The following PIEZO2 variants were observed in gnomAD, a reference collection of about 807,000 sequenced individuals.
PIEZO2 encodes piezo-type mechanosensitive ion channel component 2.
A neutral mutation model predicts 337.3 loss-of-function variants in PIEZO2; 172 were observed. The observed-to-expected ratio is 0.51, with a 90% CI of 0.45 to 0.58. PIEZO2 has a LOEUF of 0.58. Among genes scored for constraint, PIEZO2 ranks in the 20% least tolerant of loss-of-function variants. The probability of loss-of-function intolerance (pLI) is 0.00; values close to 1 mark genes in which losing one functional copy is unlikely to be tolerated. For missense variants in PIEZO2, 3,028 were observed against 3,391.3 expected, an observed-to-expected ratio of 0.89 and a Z score of 2.66; for synonymous variants, 1,251 against 1,228.5, an observed-to-expected ratio of 1.02 and a Z score of -0.38.
At chr18:10,698,846 G>A in intron 44 of PIEZO2, 79 bp downstream of exon 44, 3 of 1,495,100 alleles carry the variant, frequency 2.0e-6, no homozygotes, top group Middle Eastern at 2.0e-4. Context: ...ACACTCCCTT[G>A]CCCCAGACCC....
At chr18:10,749,434 G>A (rs1185794427) in intron 29 of PIEZO2, among the ~76,000 whole-genome samples, 1 of 152,124 alleles carries the variant, frequency 6.6e-6, no homozygotes, top group Non-Finnish European at 1.5e-5. Flanking sequence ...CTGTAGTTCA[G>A]CCTGGGTAAC....
intron 2 of PIEZO2, among the ~76,000 whole-genome samples, chr18:10,996,408 T>C (rs1223156004): frequency 6.6e-6 from 1 of 152,214 alleles, no homozygotes; most frequent in African/African-American, 2.4e-5. Flanking sequence ...TTCAATGGCA[T>C]TTAGTCCATT....
Position 10,759,697 on chromosome 18 carries a change from AGGCTCACCTC to A in PIEZO2, c.3653_3655+7del, listed in dbSNP as rs1253770478. 1 of 1,537,142 alleles carries A rather than the reference AGGCTCACCTC, an allele frequency of 6.5e-7. No individual in the cohort carries two copies. The highest frequency in any genetic ancestry group is 1.4e-5 in the African/African-American group (1 of 73,054). Reference sequence around the variant, plus strand: ...AAAGTAGACGGCTCAAGGGAAGGGCAGGCTCACCTCGGCAAGGAGCAGGTGGGATGCCAAT... The same window carrying A: ...AAAGTAGACGGCTCAAGGGAAGGGCAGGCAAGGAGCAGGTGGGATGCCAAT... On this transcript the variant is annotated splice_donor_variant and splice_donor_5th_base_variant and coding_sequence_variant and intron_variant, in exon 25 of 56. Coordinates refer to ENST00000674853, the MANE Select transcript of PIEZO2 (RefSeq NM_001378183.1). LOFTEE classifies it high-confidence loss of function. This position sits in a 1 kb window ranked among gnomAD's most constrained non-coding sequence, Gnocchi z 5.5.
At chr18:10,880,876 T>A (rs1229496401) in intron 4 of PIEZO2, among the ~76,000 whole-genome samples, 1 of 93,596 alleles carries the variant, frequency 1.1e-5, no homozygotes, top group Middle Eastern at 5.7e-3. Flanking sequence ...TATATATATA[T>A]ATATATATAT....
intron 7 of PIEZO2, among the ~76,000 whole-genome samples, chr18:10,812,638 GT>G (rs1185422746): frequency 1.3e-5 from 2 of 152,102 alleles, no homozygotes; most frequent in Admixed American, 6.5e-5. Context: ...CCAGCGCACG[GT>G]TCATTCTTTC....
rs1388810156 is a variant in PIEZO2 at position 10,682,085 on chromosome 18, G to C, written c.7686+19C>G. ...GCGTGGGGCAAGGCTCTGGTAGGTGGGGTGTGCACAGAGATCACCTGATAC... is the reference window on the plus strand; with the variant it reads ...GCGTGGGGCAAGGCTCTGGTAGGTGCGGTGTGCACAGAGATCACCTGATAC... On this transcript the variant is annotated intron_variant, in intron 50 of 55. Transcript: ENST00000674853. The surrounding 1 kb of genome is among the most constrained non-coding windows in gnomAD (Gnocchi z 5.6). 1 of 1,526,174 alleles carries C rather than the reference G, an allele frequency of 6.6e-7. No individual in the cohort carries two copies. The highest frequency in any genetic ancestry group is 8.8e-7 in the Non-Finnish European group (1 of 1,140,108). The allele number at this position is 1,526,174 out of a possible 1,614,324, so 94.5% of individuals were successfully genotyped here.
chr18:10,700,226 C>T (rs2035275127), intron 43 of PIEZO2, among the ~76,000 whole-genome samples: 1 of 152,066 alleles, frequency 6.6e-6, no homozygotes, highest in East Asian at 1.9e-4. Context: ...TTTGCCAATT[C>T]TTCTAATTAT....
Position 10,987,820 on chromosome 18 carries a change from A to T in PIEZO2, c.161-8160T>A, listed in dbSNP as rs559953514. Among the ~76,000 whole-genome samples, 131 of 152,258 alleles carry T rather than the reference A, an allele frequency of 8.6e-4. 3 individuals are homozygous for T. The South Asian group carries it at 0.025, about 29-fold the overall frequency. On this transcript the variant is annotated intron_variant, in intron 2 of 55. Coordinates refer to ENST00000674853, the MANE Select transcript of PIEZO2 (RefSeq NM_001378183.1). ...CTGATAAGAGGTTAATATACAAAATATATAAAGAACAACTGAATAATGAAA... is the reference window on the plus strand; with the variant it reads ...CTGATAAGAGGTTAATATACAAAATTTATAAAGAACAACTGAATAATGAAA...
At position 10,752,761 on chromosome 18, in the gene PIEZO2, C is replaced by T. The variant is rs1030047166; in HGVS notation, c.4042G>A (p.Ala1348Thr). ...ISIFCMGYLVACFYFLLFGGD... is the reference protein window; with the variant it reads ...ISIFCMGYLVTCFYFLLFGGD... Reference sequence around the variant, plus strand: ...CCAAAGAGCAGGAAGTAGAAACAGGCCACCAGGTACCCCATGCAAAAGATG... The same window carrying T: ...CCAAAGAGCAGGAAGTAGAAACAGGTCACCAGGTACCCCATGCAAAAGATG... Residue 1348 changes from alanine (A) to threonine (T), a missense_variant, in exon 28 of 56, where the codon GCC becomes ACC. Physicochemically the swap from Ala to Thr is moderately conservative, Grantham distance 58. Around this residue, in one of 5 missense-constraint regions of PIEZO2, gnomAD observed 1,925 missense variants for 2,051.9 expected, o/e 0.94. Coordinates refer to ENST00000674853, the MANE Select transcript of PIEZO2 (RefSeq NM_001378183.1). 3.9e-6 allele frequency: 6 copies of T among 1,537,044 alleles called. No individual in the cohort carries two copies. The African/African-American group carries it at 4.1e-5, about 11-fold the overall frequency.
At position 11,014,207 on chromosome 18, in the gene PIEZO2, G is replaced by T. The variant is rs2660268; in HGVS notation, c.161-34547C>A. 4.0e-5 allele frequency among the ~76,000 whole-genome samples: 6 copies of T among 149,742 alleles called. No homozygotes were observed. The South Asian group carries it at 1.3e-3, about 32-fold the overall frequency. ...GGCACGTCACCCTGGGTGGGACAGC[G>T]ATCTAGGGCCCCCCTCATTCCTCAG... On this transcript the variant is annotated intron_variant, in intron 2 of 55. Coordinates refer to ENST00000674853, the MANE Select transcript of PIEZO2 (RefSeq NM_001378183.1).
rs147372522 is a variant in PIEZO2 at position 10,736,231 on chromosome 18, G to A, written c.4815+373C>T. On this transcript the variant is annotated intron_variant, in intron 34 of 55. Coordinates refer to ENST00000674853, the MANE Select transcript of PIEZO2 (RefSeq NM_001378183.1). ...AAGCAAGGATTTTGTTTTCATTATC[G>A]CCTTACATTGAATGTAAGTCCATTC... Among the ~76,000 whole-genome samples, 319 of 152,164 alleles carry A rather than the reference G, an allele frequency of 2.1e-3. 1 individual carries two copies. The highest frequency in any genetic ancestry group is 6.9e-3 in the African/African-American group (285 of 41,504).
chr18:10,977,760 A>T (rs1000035321), intron 3 of PIEZO2, among the ~76,000 whole-genome samples: 1 of 152,246 alleles, frequency 6.6e-6, no homozygotes, highest in African/African-American at 2.4e-5. Context: ...GTATTGATAC[A>T]TGCTACAACA....
chr18:11,020,195 T>C (rs556124585), intron 2 of PIEZO2, among the ~76,000 whole-genome samples: 2 of 152,132 alleles, frequency 1.3e-5, no homozygotes, highest in African/African-American at 2.4e-5. Flanking sequence ...TTTTAAAAGA[T>C]GAGATTGTGA....
chr18:10,992,659 C>G (rs528404720), intron 2 of PIEZO2, among the ~76,000 whole-genome samples: 2 of 152,070 alleles, frequency 1.3e-5, no homozygotes, highest in Non-Finnish European at 2.9e-5. Flanking sequence ...AGTCAGGTAC[C>G]GTGATGCCTC....
At chr18:10,814,037 G>A (rs1180357387) in intron 7 of PIEZO2, among the ~76,000 whole-genome samples, 3 of 150,826 alleles carry the variant, frequency 2.0e-5, no homozygotes, top group Admixed American at 6.6e-5. Flanking sequence ...GCTCAATCTC[G>A]GCTCTCGGCA....
At chr18:10,751,620 A>G (rs1164876564) in intron 28 of PIEZO2, among the ~76,000 whole-genome samples, 1 of 152,154 alleles carries the variant, frequency 6.6e-6, no homozygotes, top group Non-Finnish European at 1.5e-5. Context: ...CCCGAAAATC[A>G]AGGAGATATC....
At chr18:10,928,348 C>A (rs1310216229) in intron 3 of PIEZO2, among the ~76,000 whole-genome samples, 1 of 152,118 alleles carries the variant, frequency 6.6e-6, no homozygotes, top group Non-Finnish European at 1.5e-5. Flanking sequence ...CCGCTCCAAG[C>A]AAAGAGGGGC....
chr18:10,844,574 G>A (rs908645791), intron 7 of PIEZO2, among the ~76,000 whole-genome samples: 28 of 152,194 alleles, frequency 1.8e-4, no homozygotes, highest in African/African-American at 5.1e-4. Context: ...GGATCACGAG[G>A]TCAGGAGATC....
intron 2 of PIEZO2, among the ~76,000 whole-genome samples, chr18:11,050,399 C>T (rs2037479926): frequency 6.6e-6 from 1 of 152,050 alleles, no homozygotes. Context: ...CATGTCTTTA[C>T]AAGTTACAGA....
Sources: allele counts gnomAD v4.1 joint callset (sites outside exome capture counted in the v4.1 genomes callset), GRCh38; gene constraint gnomAD v4.1.1; regional missense constraint gnomAD v4.1.1; non-coding constraint Gnocchi (gnomAD v3.1); transcripts MANE v1.5; gene names NCBI Gene and HGNC (gene_info 2026-07-23, HGNC 2026-07-21).